The following TUBB8 variants were observed in gnomAD, a reference collection of about 807,000 sequenced individuals.
TUBB8 encodes tubulin beta-8 chain.
TUBB8 carries 25 observed loss-of-function variants against 33.7 expected under a neutral mutation model. The observed-to-expected ratio is 0.74, with a 90% CI of 0.54 to 1.04. The LOEUF (loss-of-function observed/expected upper bound fraction) is 1.04, where lower values mean the gene tolerates loss of function less well. Among genes scored for constraint, TUBB8 ranks in the 50% least tolerant of loss-of-function variants. TUBB8 has a pLI of 0.00. For missense variants in TUBB8, 279 were observed against 608.0 expected (o/e 0.46, Z 5.69); for synonymous variants, 245 against 240.1 (o/e 1.02, Z -0.19).
At chr10:60,308 A>C (rs1384575699) in intron 1 of TUBB8, among the ~76,000 whole-genome samples, 11 of 152,130 alleles carry the variant, frequency 7.2e-5, no homozygotes, top group Non-Finnish European at 1.6e-4. Flanking sequence ...AATGGGAGAA[A>C]ATTTTTGCAA....
At chr10:52,915 C>T (rs1301739793), upstream of TUBB8, among the ~76,000 whole-genome samples, 1 of 152,178 alleles carries the variant, frequency 6.6e-6, no homozygotes, top group East Asian at 1.9e-4. Flanking sequence ...AACAAGTATA[C>T]TCCTCAAGGA....
At chr10:72,795 C>A (rs541005714) in intron 1 of TUBB8, among the ~76,000 whole-genome samples, 38 of 137,554 alleles carry the variant, frequency 2.8e-4, no homozygotes, top group African/African-American at 1.0e-3. Flanking sequence ...GAGGTTACAG[C>A]GAGCTGAGCT....
chr10:46,937 G>C lies in TUBB8; in HGVS notation c.*120C>G, dbSNP rs566008606. ...AGTCAAAACCGCATACTATAAAAAT[G>C]CTTTAAAACGCAGCAGGAGATGTGA... On this transcript the variant is annotated 3_prime_UTR_variant, in exon 4 of 4. Transcript: ENST00000568584. 7 of 589,580 alleles carry C rather than the reference G, an allele frequency of 1.2e-5. No individual in the cohort carries two copies. The highest frequency in any genetic ancestry group is 2.1e-5 in the Non-Finnish European group (7 of 335,082). 36.5% of individuals were successfully genotyped at this position (589,580 alleles called of 1,614,324 possible).
intron 1 of TUBB8, among the ~76,000 whole-genome samples, chr10:56,612 G>A (rs1475424550): frequency 6.7e-6 from 1 of 149,956 alleles, no homozygotes; most frequent in Admixed American, 6.6e-5. Context: ...TAGATAACCA[G>A]GTCTCATGAA....
At chr10:49,884 TG>T (rs1554739308), upstream of TUBB8, 24 of 210,222 alleles carry the variant, frequency 1.1e-4, 1 homozygote, top group South Asian at 1.8e-3. Context: ...TTCTTAAAGC[TG>T]AGGACAGGTT....
At chr10:68,922 C>T (rs1364649752) in intron 1 of TUBB8, among the ~76,000 whole-genome samples, 6 of 152,202 alleles carry the variant, frequency 3.9e-5, no homozygotes, top group East Asian at 1.9e-4. Flanking sequence ...AGTTTCACAA[C>T]GTTGGCAGAT....
intron 1 of TUBB8, 130 bp downstream of exon 1, chr10:49,052 C>T (rs1199861206): frequency 3.1e-6 from 4 of 1,311,164 alleles, no homozygotes; most frequent in Non-Finnish European, 4.2e-6. Flanking sequence ...CCTCGCCAGC[C>T]ACCCGGTTCC....
At chr10:67,273 G>T (rs1229904885) in intron 1 of TUBB8, among the ~76,000 whole-genome samples, 1 of 151,900 alleles carries the variant, frequency 6.6e-6, no homozygotes, top group African/African-American at 2.4e-5. Flanking sequence ...GAATCACAAA[G>T]AATCTGTAGA....
chr10:72,254 TA>T (rs34999592), intron 1 of TUBB8, among the ~76,000 whole-genome samples: 1,939 of 125,228 alleles, frequency 0.015, 17 homozygotes, highest in African/African-American at 0.039. Flanking sequence ...TTTTTTTAAT[TA>T]AAAAAAAAAA....
At chr10:68,588 G>A (rs1834700643) in intron 1 of TUBB8, among the ~76,000 whole-genome samples, 1 of 152,152 alleles carries the variant, frequency 6.6e-6, no homozygotes, top group South Asian at 2.1e-4. Context: ...TGGTATTACT[G>A]TGGTTGTTTT....
chr10:51,631 T>C (rs1834469747), upstream of TUBB8, among the ~76,000 whole-genome samples: 4 of 152,232 alleles, frequency 2.6e-5, no homozygotes, highest in African/African-American at 9.6e-5. Context: ...ACCTGTGGAC[T>C]CTGACAGCTA....
chr10:55,016 A>C (rs1332835874), intron 1 of TUBB8, among the ~76,000 whole-genome samples: 4 of 152,288 alleles, frequency 2.6e-5, no homozygotes, highest in African/African-American at 9.6e-5. Context: ...GCTGCCTCCC[A>C]AAGTGCTGGG....
Position 46,920 on chromosome 10 carries a change from C to G in TUBB8, c.*137G>C. On this transcript the variant is annotated 3_prime_UTR_variant, in exon 4 of 4. Transcript: ENST00000568584. ...TGTGAGAATACTTTATTAGTCAAAA[C>G]CGCATACTATAAAAATGCTTTAAAA... The G allele has an allele frequency of 3.4e-6, 2 of 581,232 alleles. No individual in the cohort carries two copies. The highest frequency in any genetic ancestry group is 9.0e-4 in the Middle Eastern group (2 of 2,228). 36.0% of individuals were successfully genotyped at this position (581,232 alleles called of 1,614,324 possible). A position where few individuals can be genotyped will look rare whatever the true frequency, so the allele number is the denominator to read the frequency against.
At chr10:63,203 A>T (rs770223661) in intron 1 of TUBB8, among the ~76,000 whole-genome samples, 1 of 151,988 alleles carries the variant, frequency 6.6e-6, no homozygotes, top group Non-Finnish European at 1.5e-5. Flanking sequence ...CCTCCCAAGG[A>T]GCTGGGACTA....
rs782716579 is a variant in TUBB8, at chr10:48,729, C to T, written c.167-4G>A. 6.2e-6 allele frequency: 10 copies of T among 1,609,032 alleles called. No individual in the cohort carries two copies. The highest frequency in any genetic ancestry group is 1.3e-5 in the African/African-American group (1 of 74,792). On this transcript the variant is annotated splice_polypyrimidine_tract_variant and splice_region_variant and intron_variant, in intron 2 of 3. Coordinates refer to ENST00000568584, the MANE Select transcript of TUBB8 (RefSeq NM_177987.3). ...GCGCGGGGCACGTACCTGCCACCTG[C>T]GTGGGGCGGGAGGGCATGAGCGAGG... is the stretch of plus-strand genomic sequence containing the variant.
chr10:51,406 A>G (rs1384200808), upstream of TUBB8, among the ~76,000 whole-genome samples: 1 of 151,866 alleles, frequency 6.6e-6, no homozygotes, highest in Non-Finnish European at 1.5e-5. Flanking sequence ...TACAAAGGGG[A>G]GTTTCCCTAC....
intron 1 of TUBB8, 126 bp from the exon 2 acceptor site, chr10:49,038 G>C (rs1391365574): frequency 8.3e-7 from 1 of 1,211,646 alleles, no homozygotes; most frequent in African/African-American, 1.5e-5. Flanking sequence ...GTCCACCCCG[G>C]CCGCCTCGCC....
intron 1 of TUBB8, among the ~76,000 whole-genome samples, chr10:56,777 C>A (rs1470735650): frequency 6.6e-6 from 1 of 152,188 alleles, no homozygotes; most frequent in African/African-American, 2.4e-5. Context: ...CACACCTAAA[C>A]TATATCATTT....
chr10:69,236 T>C (rs1834707760), intron 1 of TUBB8, among the ~76,000 whole-genome samples: 1 of 152,198 alleles, frequency 6.6e-6, no homozygotes, highest in Non-Finnish European at 1.5e-5. Flanking sequence ...ATGCTGCCCT[T>C]TCCAAGGCAT....
Sources: allele counts gnomAD v4.1 joint callset (sites outside exome capture counted in the v4.1 genomes callset), GRCh38; gene constraint gnomAD v4.1.1; transcripts MANE v1.5; gene names NCBI Gene and HGNC (gene_info 2026-07-23, HGNC 2026-07-21).